Variants in DCAF6 observed in about 807,000 individuals in gnomAD.
DCAF6 encodes the protein DDB1 and CUL4 associated factor 6.
Under a neutral mutation model 125.1 loss-of-function variants are expected in DCAF6, and 54 were observed. The observed-to-expected ratio is 0.43, with a 90% CI of 0.35 to 0.54. The LOEUF is 0.54. DCAF6 is among the 20% of genes least tolerant of loss of function. DCAF6 has a pLI of 0.01. For missense variants in DCAF6, 934 were observed against 1,161.7 expected, an observed-to-expected ratio of 0.80 and a Z score of 2.85; for synonymous variants, 371 against 390.4, an observed-to-expected ratio of 0.95 and a Z score of 0.58.
chr1:168,025,574 CT>C (rs773532508), intron 12 of DCAF6, among the ~76,000 whole-genome samples: 2 of 152,042 alleles, frequency 1.3e-5, no homozygotes, highest in South Asian at 2.1e-4. Flanking sequence ...TTTTACATAC[CT>C]TTTTGTTCAT....
At chr1:168,065,963 C>G (rs1480186940) in intron 19 of DCAF6, among the ~76,000 whole-genome samples, 1 of 152,110 alleles carries the variant, frequency 6.6e-6, no homozygotes, top group Non-Finnish European at 1.5e-5. Context: ...GTTTATTCTC[C>G]CAATATTTCT....
intron 4 of DCAF6, among the ~76,000 whole-genome samples, chr1:167,981,363 T>G (rs1346319414): frequency 1.3e-5 from 2 of 152,212 alleles, no homozygotes; most frequent in African/African-American, 4.8e-5. Context: ...TCTTACTTTA[T>G]GGATTCATTT....
intron 21 of DCAF6, among the ~76,000 whole-genome samples, chr1:168,069,685 C>G (rs1383162692): frequency 1.3e-5 from 2 of 152,088 alleles, no homozygotes; most frequent in Non-Finnish European, 2.9e-5. Flanking sequence ...AAATAATCCT[C>G]AAATGTAAAT....
intron 4 of DCAF6, among the ~76,000 whole-genome samples, chr1:167,981,702 G>T (rs1227343435): frequency 1.3e-5 from 2 of 152,168 alleles, no homozygotes; most frequent in Non-Finnish European, 2.9e-5. Context: ...TGCTGCAAAG[G>T]ACATGATTTC....
intron 17 of DCAF6, among the ~76,000 whole-genome samples, chr1:168,052,776 C>T (rs947019021): frequency 2.0e-5 from 3 of 152,076 alleles, no homozygotes; most frequent in African/African-American, 7.2e-5. Context: ...TGGTAGTCAT[C>T]CCCTATTCTT....
Position 168,043,094 on chromosome 1 carries a change from C to T in DCAF6, c.1797C>T (p.Phe599=), listed in dbSNP as rs144635426. 2 of 1,612,818 alleles carry T rather than the reference C, an allele frequency of 1.2e-6. No homozygotes were observed. Among genetic ancestry groups the T allele is most frequent in the Non-Finnish European group, 1.7e-6 (2 of 1,179,302 alleles). ...AATCTGAGGGTCAGGAGGAATCTTT[C>T]GTCCCACAGAGCTCAGTGCAACCAC... ...HCKSEGQEES[F]VPQSSVQPPE... is the part of the protein sequence containing the mutation. Residue 599 remains phenylalanine, a synonymous_variant, in exon 14 of 22, where the codon TTC becomes TTT. Transcript: ENST00000367840.
chr1:168,063,056 C>T (rs1179567602), intron 17 of DCAF6, among the ~76,000 whole-genome samples: 5 of 151,842 alleles, frequency 3.3e-5, no homozygotes, highest in Admixed American at 3.3e-4. Flanking sequence ...GGACTATAGG[C>T]GCCCGCTGCC....
chr1:167,880,289 G>T, the DCAF6 span: 2 of 1,194,386 alleles, frequency 1.7e-6, no homozygotes, highest in South Asian at 2.6e-5. Flanking sequence ...TTGGGAAAGG[G>T]TGGGAAAGGA....
chr1:167,958,771 T>C (rs1297553829), intron 2 of DCAF6, among the ~76,000 whole-genome samples: 1 of 152,206 alleles, frequency 6.6e-6, no homozygotes, highest in Non-Finnish European at 1.5e-5. Flanking sequence ...GAGGAAGGTA[T>C]GGGAATTTCT....
intron 2 of DCAF6, among the ~76,000 whole-genome samples, chr1:167,952,812 T>C (rs901902516): frequency 7.2e-5 from 11 of 152,224 alleles, no homozygotes; most frequent in African/African-American, 2.7e-4. Context: ...GTTGCATGTC[T>C]AATAGGCATC....
Position 168,045,021 on chromosome 1 carries a change from AC to A in DCAF6, c.2054del (p.Pro685GlnfsTer56). ...CTGCTTCATCTGAAAAAGCCAAGGAACCAGAAACTTCAGATCAGACTAGCAC... is the reference window on the plus strand; with the variant it reads ...CTGCTTCATCTGAAAAAGCCAAGGAACAGAAACTTCAGATCAGACTAGCAC... Reference protein sequence around the residue: ...ESASSEKAKEPETSDQTSTES... With the variant: ...ESASSEKAKEXETSDQTSTES... On this transcript the variant is annotated frameshift_variant, in exon 16 of 22. Coordinates refer to ENST00000367840, the MANE Select transcript of DCAF6 (RefSeq NM_001198956.2). LOFTEE classifies it high-confidence loss of function. 1 of 1,614,064 alleles carries A rather than the reference AC, an allele frequency of 6.2e-7. No individual in the cohort carries two copies. The highest frequency in any genetic ancestry group is 8.5e-7 in the Non-Finnish European group (1 of 1,179,948).
intron 10 of DCAF6, among the ~76,000 whole-genome samples, chr1:168,009,450 C>T (rs1376832341): frequency 3.0e-5 from 2 of 66,506 alleles, no homozygotes; most frequent in Non-Finnish European, 2.6e-5. Flanking sequence ...TTCTTTCTTT[C>T]TGTCTCTCTC....
At chr1:167,955,276 T>C (rs1161686140) in intron 2 of DCAF6, among the ~76,000 whole-genome samples, 1 of 152,220 alleles carries the variant, frequency 6.6e-6, no homozygotes. Context: ...CTTTTATTCT[T>C]TTTTGATAAA....
the DCAF6 span, chr1:167,919,980 T>A: frequency 6.2e-7 from 1 of 1,608,034 alleles, no homozygotes; most frequent in Non-Finnish European, 8.5e-7. Context: ...TAGGCTTACC[T>A]CCAAATACGA....
chr1:167,905,050 G>C, the DCAF6 span: 6 of 1,614,182 alleles, frequency 3.7e-6, no homozygotes, highest in Non-Finnish European at 5.1e-6. Flanking sequence ...GGTCGCTCTG[G>C]GGAGAAATGT....
At chr1:167,994,839 G>T (rs1199722316) in intron 7 of DCAF6, among the ~76,000 whole-genome samples, 1 of 151,774 alleles carries the variant, frequency 6.6e-6, no homozygotes, top group Non-Finnish European at 1.5e-5. Flanking sequence ...TGACCTTTTG[G>T]TATTGGCTCA....
At position 168,040,487 on chromosome 1, in the gene DCAF6, TA is replaced by T. The variant is rs59135639; in HGVS notation, c.1727+2012del. 9.9e-3 allele frequency among the ~76,000 whole-genome samples: 1,410 copies of T among 142,608 alleles called. 15 individuals carry two copies. The highest frequency in any genetic ancestry group is 0.026 in the African/African-American group (1,039 of 39,234). The allele number at this position is 142,608 out of a possible 152,430, so 93.6% of individuals were successfully genotyped here. Reference sequence around the variant, plus strand: ...AAGGATGGGAGCAGTGGAGGTGGTTTAAAAAAAAAAAAAGTGATGGGATTCT... The same window carrying T: ...AAGGATGGGAGCAGTGGAGGTGGTTTAAAAAAAAAAAAGTGATGGGATTCT... On this transcript the variant is annotated intron_variant, in intron 13 of 21. Transcript: ENST00000367840.
At chr1:167,989,066 C>T (rs1680437731) in intron 5 of DCAF6, among the ~76,000 whole-genome samples, 1 of 151,698 alleles carries the variant, frequency 6.6e-6, no homozygotes, top group South Asian at 2.1e-4. Context: ...GGTGACACTG[C>T]GAGACTCCAT....
chr1:167,919,177 G>A, the DCAF6 span, among the ~76,000 whole-genome samples: 2 of 152,116 alleles, frequency 1.3e-5, no homozygotes, highest in Non-Finnish European at 1.5e-5. Context: ...ATGCAGGCAG[G>A]CTATTGGGTT....
Sources: allele counts gnomAD v4.1 joint callset (sites outside exome capture counted in the v4.1 genomes callset), GRCh38; gene constraint gnomAD v4.1.1; transcripts MANE v1.5; gene names NCBI Gene and HGNC (gene_info 2026-07-23, HGNC 2026-07-21).